Variants in SLCO6A1 observed in about 807,000 individuals in gnomAD.
SLCO6A1 encodes cancer/testis antigen 48.
Under a neutral mutation model 72.7 loss-of-function variants are expected in SLCO6A1, and 65 were observed. That is an observed-to-expected ratio of 0.89 (90% CI 0.73 to 1.10). The LOEUF is 1.10. Ranked by LOEUF, SLCO6A1 falls within the 50% of genes least tolerant of loss-of-function variation. The pLI, the probability that SLCO6A1 is intolerant of heterozygous loss-of-function variation, is 0.00. For missense variants in SLCO6A1, 874 were observed against 872.6 expected (o/e 1.00, Z -0.02); for synonymous variants, 314 against 298.2 (o/e 1.05, Z -0.55).
intron 7 of SLCO6A1, among the ~76,000 whole-genome samples, chr5:102,429,500 CCA>C (rs1406059537): frequency 2.0e-5 from 3 of 152,114 alleles, no homozygotes; most frequent in Admixed American, 6.6e-5. Context: ...AAGAGAGAGT[CCA>C]GTTTCAACCT....
intron 9 of SLCO6A1, among the ~76,000 whole-genome samples, chr5:102,410,639 T>C (rs1264058302): frequency 3.3e-5 from 5 of 152,112 alleles, no homozygotes; most frequent in Non-Finnish European, 5.9e-5. Context: ...TGGTCAACTG[T>C]TTTTCATGAC....
chr5:102,409,767 G>C (rs1747871327), intron 9 of SLCO6A1, among the ~76,000 whole-genome samples: 2 of 152,034 alleles, frequency 1.3e-5, no homozygotes, highest in African/African-American at 2.4e-5. Context: ...TTACTCCTTA[G>C]AGAAATATAA....
intron 6 of SLCO6A1, among the ~76,000 whole-genome samples, chr5:102,440,237 T>C (rs888402431): frequency 5.9e-5 from 9 of 152,070 alleles, no homozygotes; most frequent in Non-Finnish European, 1.2e-4. Flanking sequence ...CCAGCCTCTA[T>C]AGAAAGAGTA....
intron 7 of SLCO6A1, among the ~76,000 whole-genome samples, chr5:102,423,400 A>G (rs2112625501): frequency 6.6e-6 from 1 of 152,336 alleles, no homozygotes; most frequent in Non-Finnish European, 1.5e-5. Context: ...AAAGACACAC[A>G]TAGGCTCAAA....
At position 102,480,392 on chromosome 5, in the gene SLCO6A1, T is replaced by C; in HGVS notation, c.401A>G (p.Gln134Arg). The C allele has an allele frequency of 6.2e-7, 1 of 1,613,486 alleles. No homozygotes were observed. Among genetic ancestry groups the C allele is most frequent in the Middle Eastern group, 1.7e-4 (1 of 6,052 alleles). ...GLIDVSIGDF[Q>R]KEYQLKTIEK... ...AATGGTTTTCAGTTGATATTCCTTC[T>C]GAAAATCGCCAATGCTGACATCTAT... Residue 134 changes from glutamine to arginine, a missense_variant, in exon 2 of 14, where the codon CAG (glutamine) becomes CGG (arginine). Coordinates refer to ENST00000506729, the MANE Select transcript of SLCO6A1 (RefSeq NM_173488.5).
intron 10 of SLCO6A1, among the ~76,000 whole-genome samples, chr5:102,395,699 C>T (rs1027554967): frequency 1.1e-4 from 17 of 152,126 alleles, no homozygotes; most frequent in Non-Finnish European, 1.6e-4. Flanking sequence ...CTCTCCAGCA[C>T]CTCCTGTTTC....
chr5:102,379,075 C>T (rs1580318185), intron 12 of SLCO6A1, among the ~76,000 whole-genome samples: 1 of 152,114 alleles, frequency 6.6e-6, no homozygotes, highest in East Asian at 1.9e-4. Context: ...GCAACTGCAC[C>T]CAGTCCTTCA....
chr5:102,403,144 T>C (rs1747489041), intron 9 of SLCO6A1, among the ~76,000 whole-genome samples: 1 of 152,204 alleles, frequency 6.6e-6, no homozygotes, highest in African/African-American at 2.4e-5. Flanking sequence ...GAATATGATA[T>C]ACAATGATTA....
intron 1 of SLCO6A1, among the ~76,000 whole-genome samples, chr5:102,485,298 TAAA>T (rs1752400444): frequency 6.8e-6 from 1 of 146,776 alleles, no homozygotes; most frequent in African/African-American, 2.5e-5. Context: ...ATAAATAAAA[TAAA>T]ATAAAAGGCC....
intron 9 of SLCO6A1, among the ~76,000 whole-genome samples, chr5:102,407,638 C>T (rs889378497): frequency 1.3e-5 from 2 of 152,066 alleles, no homozygotes; most frequent in African/African-American, 4.8e-5. Flanking sequence ...TAAAATGTAC[C>T]GGGCTCCTCT....
At chr5:102,456,925 C>T (rs1486732176) in intron 6 of SLCO6A1, among the ~76,000 whole-genome samples, 1 of 152,088 alleles carries the variant, frequency 6.6e-6, no homozygotes, top group African/African-American at 2.4e-5. Flanking sequence ...TGGAACAGAA[C>T]AGAGCCCTCA....
At chr5:102,409,946 ATGG>A (rs1349494120) in intron 9 of SLCO6A1, among the ~76,000 whole-genome samples, 2 of 152,178 alleles carry the variant, frequency 1.3e-5, no homozygotes, top group East Asian at 3.9e-4. Context: ...CTGTGATGAC[ATGG>A]TGAGCATTTA....
intron 9 of SLCO6A1, among the ~76,000 whole-genome samples, chr5:102,401,091 T>C (rs62369340): frequency 0.019 from 2,949 of 151,966 alleles, 49 homozygotes; most frequent in Non-Finnish European, 0.031. Flanking sequence ...CTTAACATGA[T>C]CAGAGAATGT....
intron 2 of SLCO6A1, 44 bp from the exon 3 acceptor site, chr5:102,477,905 AC>A: frequency 6.6e-7 from 1 of 1,516,774 alleles, no homozygotes; most frequent in Non-Finnish European, 8.9e-7. Context: ...TTGAACTCAA[AC>A]ATAAAACAAA....
chr5:102,494,281 C>A (rs7729674), intron 1 of SLCO6A1, among the ~76,000 whole-genome samples: 56,013 of 151,898 alleles, frequency 0.37, 10,964 homozygotes, highest in African/African-American at 0.49. Flanking sequence ...AGTTCATTCA[C>A]AATGGATCAG....
intron 6 of SLCO6A1, among the ~76,000 whole-genome samples, chr5:102,443,049 T>C (rs1337810287): frequency 1.3e-5 from 2 of 152,004 alleles, no homozygotes; most frequent in Non-Finnish European, 2.9e-5. Context: ...CACAAAAAAT[T>C]AGCCGGGCGT....
intron 2 of SLCO6A1, among the ~76,000 whole-genome samples, chr5:102,479,695 G>A (rs968430042): frequency 1.3e-5 from 2 of 151,908 alleles, no homozygotes; most frequent in African/African-American, 4.8e-5. Flanking sequence ...TGGTAAAACT[G>A]CAACCCTACT....
chr5:102,392,148 G>GTATTTTGTGTA (rs1561423012), intron 10 of SLCO6A1, among the ~76,000 whole-genome samples: 4 of 151,810 alleles, frequency 2.6e-5, no homozygotes, highest in Non-Finnish European at 5.9e-5. Flanking sequence ...CACATACACA[G>GTATTTTGTGTA]TATTTTGTAA....
chr5:102,435,925 G>T (rs941116595), intron 7 of SLCO6A1, among the ~76,000 whole-genome samples: 1 of 151,856 alleles, frequency 6.6e-6, no homozygotes, highest in Non-Finnish European at 1.5e-5. Flanking sequence ...GTTTATAGTG[G>T]ATTGATTATT....
Sources: allele counts gnomAD v4.1 joint callset (sites outside exome capture counted in the v4.1 genomes callset), GRCh38; gene constraint gnomAD v4.1.1; transcripts MANE v1.5; gene names NCBI Gene and HGNC (gene_info 2026-07-23, HGNC 2026-07-21).